PTER: variants seen among roughly 807,000 people sequenced by gnomAD.
PTER encodes the protein phosphotriesterase related.
PTER carries 38 observed loss-of-function variants against 29.6 expected under a neutral mutation model. The ratio of observed to expected loss-of-function variants is 1.28; its 90% CI spans 0.99 to 1.68. The LOEUF (loss-of-function observed/expected upper bound fraction) is 1.68. PTER is among the 40% of genes most tolerant of loss of function. The pLI, the probability that PTER is intolerant of heterozygous loss-of-function variation, is 0.00. For missense variants in PTER, 482 were observed against 427.8 expected (o/e 1.13, Z -1.12); for synonymous variants, 172 against 154.5 (o/e 1.11, Z -0.84).
intron 1 of PTER, among the ~76,000 whole-genome samples, chr10:16,462,166 A>G (rs1177471092): frequency 6.6e-6 from 1 of 152,000 alleles, no homozygotes; most frequent in Non-Finnish European, 1.5e-5. Context: ...TTGTATTTTT[A>G]GTACAGATGG....
At position 16,486,471 on chromosome 10, in the gene PTER, C is replaced by A. The variant is rs377198694; in HGVS notation, c.552C>A (p.Leu184=). ...TGACTGAGAGTGAAAGAAAGGTTCT[C>A]CAGGCCACAGCTCATGCCCAGGCTC... ...WPLTESERKV[L]QATAHAQAQL... is the part of the protein sequence containing the mutation. The change falls in exon 3 of 5, where the codon CTC becomes CTA. Residue 184 remains leucine, a synonymous_variant. Coordinates refer to ENST00000535784, the MANE Select transcript of PTER (RefSeq NM_001261836.2). 86 of 1,613,916 alleles carry A rather than the reference C, an allele frequency of 5.3e-5. 1 individual carries two copies. The Admixed American group carries it at 1.1e-3, about 20-fold the overall frequency.
intron 3 of PTER, among the ~76,000 whole-genome samples, chr10:16,491,718 C>T (rs1442407224): frequency 1.3e-5 from 2 of 152,140 alleles, no homozygotes; most frequent in Non-Finnish European, 2.9e-5. Flanking sequence ...ATCAGGCCGT[C>T]GCTGTGCTTC....
chr10:16,487,971 C>T (rs1362955305), intron 3 of PTER, among the ~76,000 whole-genome samples: 1 of 152,008 alleles, frequency 6.6e-6, no homozygotes, highest in Non-Finnish European at 1.5e-5. Context: ...CAGAGCAAGA[C>T]CCTGTCTCAA....
At chr10:16,492,559 T>C (rs1410628068) in intron 3 of PTER, among the ~76,000 whole-genome samples, 7 of 152,228 alleles carry the variant, frequency 4.6e-5, no homozygotes, top group African/African-American at 1.7e-4. Context: ...GGTATTTTTA[T>C]GACGACAAAA....
chr10:16,470,814 G>A (rs536209442), intron 1 of PTER, among the ~76,000 whole-genome samples: 4 of 151,782 alleles, frequency 2.6e-5, no homozygotes, highest in South Asian at 4.2e-4. Context: ...CTTTAAAAAG[G>A]TTTCTTTCTA....
intron 4 of PTER, among the ~76,000 whole-genome samples, chr10:16,508,360 G>C (rs557584357): frequency 6.6e-6 from 1 of 151,894 alleles, no homozygotes; most frequent in East Asian, 1.9e-4. Context: ...GAGCCACCGC[G>C]CCCGGCCTCA....
chr10:16,499,982 A>G (rs575376244), intron 3 of PTER, among the ~76,000 whole-genome samples: 3 of 150,260 alleles, frequency 2.0e-5, no homozygotes, highest in African/African-American at 7.4e-5. Flanking sequence ...ACCCTCCCAG[A>G]GGCTTGGCCT....
intron 1 of PTER, among the ~76,000 whole-genome samples, chr10:16,438,247 A>G (rs1238890448): frequency 1.3e-5 from 2 of 151,462 alleles, no homozygotes; most frequent in East Asian, 3.9e-4. Context: ...CTTGTGATTC[A>G]CCCACCTCGG....
At chr10:16,504,407 T>G (rs1404482364) in intron 3 of PTER, among the ~76,000 whole-genome samples, 1 of 152,214 alleles carries the variant, frequency 6.6e-6, no homozygotes, top group African/African-American at 2.4e-5. Flanking sequence ...ATAATAAATT[T>G]TATTTAAAAA....
chr10:16,459,976 G>A lies in PTER; in HGVS notation c.-49+22929G>A, dbSNP rs184224661. 6.7e-3 allele frequency among the ~76,000 whole-genome samples: 1,022 copies of A among 152,172 alleles called. 21 individuals are homozygous for A. The highest frequency in any genetic ancestry group is 0.049 in the Admixed American group (743 of 15,286). ...TTGGTCAGGCTGATCTCGAACTCCCGACCTCAGGTGATCTGCCCGCCTCGG... is the reference window on the plus strand; with the variant it reads ...TTGGTCAGGCTGATCTCGAACTCCCAACCTCAGGTGATCTGCCCGCCTCGG... On this transcript the variant is annotated intron_variant, in intron 1 of 4. Coordinates refer to ENST00000535784, the MANE Select transcript of PTER (RefSeq NM_001261836.2).
intron 3 of PTER, among the ~76,000 whole-genome samples, chr10:16,494,790 T>G (rs1836028399): frequency 6.6e-6 from 1 of 152,202 alleles, no homozygotes; most frequent in Non-Finnish European, 1.5e-5. Flanking sequence ...TTTAAATTTA[T>G]TTTTAATTAA....
chr10:16,493,426 AT>A lies in PTER; in HGVS notation c.698+6819del, dbSNP rs76503649. Among the ~76,000 whole-genome samples the A allele has an allele frequency of 1.2e-3, 179 of 151,062 alleles. 1 individual carries two copies. In the East Asian group the frequency reaches 0.024, roughly 20 times the overall value. ...TGAGTTTCTTTTATTCTTAAAAACA[AT>A]TTTTTTTTTAAATTTTTAAGAGTAA... On this transcript the variant is annotated intron_variant, in intron 3 of 4. Transcript: ENST00000535784.
rs926386415 is a variant in PTER, at chr10:16,511,325, C to T, written c.*69C>T. 1 of 1,362,066 alleles carries T rather than the reference C, an allele frequency of 7.3e-7. No homozygotes were observed. 84.4% of individuals were successfully genotyped at this position (1,362,066 alleles called of 1,614,324 possible). ...AGAACATTCAGCGATTTCCAGTCCACTGTGAGATATTAATCAGTTACCTAG... is the reference window on the plus strand; with the variant it reads ...AGAACATTCAGCGATTTCCAGTCCATTGTGAGATATTAATCAGTTACCTAG... On this transcript the variant is annotated 3_prime_UTR_variant, in exon 5 of 5. Coordinates refer to ENST00000535784, the MANE Select transcript of PTER (RefSeq NM_001261836.2).
At chr10:16,491,087 G>A (rs1242999518) in intron 3 of PTER, among the ~76,000 whole-genome samples, 1 of 151,600 alleles carries the variant, frequency 6.6e-6, no homozygotes, top group African/African-American at 2.4e-5. Flanking sequence ...CTCTAGAATG[G>A]GTCAGAACAG....
At chr10:16,437,971 G>C (rs1564380501) in intron 1 of PTER, among the ~76,000 whole-genome samples, 1 of 152,142 alleles carries the variant, frequency 6.6e-6, no homozygotes, top group Non-Finnish European at 1.5e-5. Flanking sequence ...CCCTATTCTA[G>C]TTCTGGTTCC....
intron 1 of PTER, among the ~76,000 whole-genome samples, chr10:16,469,594 A>G (rs534345870): frequency 1.3e-5 from 2 of 152,084 alleles, no homozygotes; most frequent in African/African-American, 4.8e-5. Context: ...GGAGTCTTGG[A>G]TGAAATCTGA....
intron 1 of PTER, among the ~76,000 whole-genome samples, chr10:16,449,823 A>G (rs1258710629): frequency 2.0e-5 from 3 of 152,188 alleles, no homozygotes; most frequent in Non-Finnish European, 2.9e-5. Context: ...CCACTCTAGC[A>G]TCTTAATCTC....
At position 16,512,925 on chromosome 10, in the gene PTER, C is replaced by G. The variant is rs1799082889; in HGVS notation, c.*1669C>G. 2 of 152,388 alleles carry G rather than the reference C, an allele frequency of 1.3e-5. No individual in the cohort carries two copies. Among genetic ancestry groups the G allele is most frequent in the African/African-American group, 4.8e-5 (2 of 41,372 alleles). The allele number at this position is 152,388 out of a possible 1,614,324, so 9.4% of individuals were successfully genotyped here. ...CTTAGATGAAAGAGATGGCTTTTGG[C>G]AGTGTGTTCTAACCAGAAAGAAAGG... On this transcript the variant is annotated 3_prime_UTR_variant, in exon 5 of 5. Coordinates refer to ENST00000535784, the MANE Select transcript of PTER (RefSeq NM_001261836.2).
At chr10:16,486,666 C>A in intron 3 of PTER, 49 bp downstream of exon 3, 1 of 1,544,276 alleles carries the variant, frequency 6.5e-7, no homozygotes, top group Non-Finnish European at 8.8e-7. Context: ...ATAATTAATG[C>A]ATGATCAAAT....
Sources: allele counts gnomAD v4.1 joint callset (sites outside exome capture counted in the v4.1 genomes callset), GRCh38; gene constraint gnomAD v4.1.1; transcripts MANE v1.5; gene names NCBI Gene and HGNC (gene_info 2026-07-23, HGNC 2026-07-21).